The following ARHGAP44 variants were observed in gnomAD, a reference collection of about 807,000 sequenced individuals.
ARHGAP44 encodes the protein rho GTPase-activating protein 44.
Under a neutral mutation model 106.8 loss-of-function variants are expected in ARHGAP44, and 43 were observed. The ratio of observed to expected loss-of-function variants is 0.40; its 90% CI spans 0.32 to 0.52. ARHGAP44 has a LOEUF of 0.52. ARHGAP44 is among the 20% of genes least tolerant of loss of function. The probability of loss-of-function intolerance (pLI) is 0.48; values close to 1 mark genes in which losing one functional copy is unlikely to be tolerated. For missense variants in ARHGAP44, 866 were observed against 1,050.5 expected (o/e 0.82, Z 2.43); for synonymous variants, 439 against 410.3 (o/e 1.07, Z -0.85).
chr17:12,838,734 C>A (rs561263923), intron 1 of ARHGAP44, among the ~76,000 whole-genome samples: 57 of 152,160 alleles, frequency 3.7e-4, no homozygotes, highest in African/African-American at 1.3e-3. Context: ...TGCAGTGGAG[C>A]GACCTTGGCT....
chr17:12,909,834 A>T (rs1206308298), intron 4 of ARHGAP44, among the ~76,000 whole-genome samples: 2 of 152,258 alleles, frequency 1.3e-5, no homozygotes, highest in African/African-American at 2.4e-5. Flanking sequence ...TAAGGAGCAC[A>T]AAATGATTTG....
intron 10 of ARHGAP44, among the ~76,000 whole-genome samples, chr17:12,948,723 T>TACAC (rs71369353): frequency 2.1e-3 from 62 of 29,366 alleles, no homozygotes; most frequent in African/African-American, 5.5e-3. Context: ...CCAACACACA[T>TACAC]ACACACACAC....
intron 1 of ARHGAP44, among the ~76,000 whole-genome samples, chr17:12,816,102 C>T (rs1264931823): frequency 4.6e-5 from 7 of 152,036 alleles, no homozygotes; most frequent in Non-Finnish European, 8.8e-5. Flanking sequence ...TGGAACAGTA[C>T]CTTAGTTGCA....
intron 1 of ARHGAP44, among the ~76,000 whole-genome samples, chr17:12,858,268 C>T (rs1407583544): frequency 6.6e-6 from 1 of 152,156 alleles, no homozygotes; most frequent in Admixed American, 6.5e-5. Flanking sequence ...CCTTTCTTTA[C>T]CTACCCTGCC....
intron 16 of ARHGAP44, among the ~76,000 whole-genome samples, chr17:12,960,689 G>A (rs993784022): frequency 2.0e-5 from 3 of 152,034 alleles, no homozygotes; most frequent in African/African-American, 7.2e-5. Flanking sequence ...TCAGCCTCCC[G>A]AGTAGCTGGG....
intron 1 of ARHGAP44, among the ~76,000 whole-genome samples, chr17:12,865,203 A>G (rs1230120665): frequency 2.0e-5 from 3 of 152,210 alleles, no homozygotes; most frequent in African/African-American, 7.2e-5. Flanking sequence ...GAAGAATCAG[A>G]CTAGTGCCAG....
intron 7 of ARHGAP44, among the ~76,000 whole-genome samples, chr17:12,930,018 T>G (rs991768145): frequency 2.6e-5 from 4 of 152,322 alleles, no homozygotes; most frequent in Admixed American, 2.0e-4. Context: ...GAAAGATTTT[T>G]AAAGAATTCA....
At chr17:12,924,768 G>A (rs578050080) in intron 6 of ARHGAP44, among the ~76,000 whole-genome samples, 146 of 152,298 alleles carry the variant, frequency 9.6e-4, no homozygotes, top group Non-Finnish European at 1.7e-3. Flanking sequence ...TGTGAGGACA[G>A]AAACAGCAGC....
chr17:12,832,760 G>A (rs1192005790), intron 1 of ARHGAP44, among the ~76,000 whole-genome samples: 1 of 152,186 alleles, frequency 6.6e-6, no homozygotes, highest in South Asian at 2.1e-4. Flanking sequence ...TGCAAAGTCA[G>A]TTTCAAAAGG....
chr17:12,875,121 C>A (rs2036515997), intron 1 of ARHGAP44, among the ~76,000 whole-genome samples: 1 of 152,148 alleles, frequency 6.6e-6, no homozygotes, highest in Non-Finnish European at 1.5e-5. Context: ...TTGGTTAAAA[C>A]ACAGATTGCT....
rs1213325834 is a variant in ARHGAP44, at chr17:12,931,841, T to TACACACAAACACACAC, written c.582+2802_582+2803insAACACACACACACACA. Among the ~76,000 whole-genome samples, 273 of 146,408 alleles carry TACACACAAACACACAC rather than the reference T, an allele frequency of 1.9e-3. 7 individuals carry two copies. In the East Asian group the frequency reaches 0.041, roughly 22 times the overall value. On this transcript the variant is annotated intron_variant, in intron 7 of 20. Coordinates refer to ENST00000379672, the MANE Select transcript of ARHGAP44 (RefSeq NM_014859.6). ...ATTGCATGATATTCCACAGTAGGGA[T>TACACACAAACACACAC]ACACACACACACACACACACACACA...
At chr17:12,974,031 GCCTGTCT>G (rs1263471399) in intron 17 of ARHGAP44, 51 bp from the exon 18 acceptor site, 15 of 1,503,772 alleles carry the variant, frequency 1.0e-5, no homozygotes, top group Non-Finnish European at 1.4e-5. Flanking sequence ...GGGGGAGGGA[GCCTGTCT>G]CCTGTCATCT....
chr17:12,987,076 G>A (rs2039978871), intron 20 of ARHGAP44: 14 of 1,474,852 alleles, frequency 9.5e-6, no homozygotes, highest in East Asian at 2.6e-5. Context: ...TCCTTTCTCC[G>A]AATCCTATCA....
At chr17:12,978,321 G>C (rs1187508070) in intron 18 of ARHGAP44, among the ~76,000 whole-genome samples, 1 of 152,204 alleles carries the variant, frequency 6.6e-6, no homozygotes, top group African/African-American at 2.4e-5. Flanking sequence ...AGTGAGGCAA[G>C]GGTTTTCTGT....
At chr17:12,906,361 C>T (rs575696481) in intron 3 of ARHGAP44, among the ~76,000 whole-genome samples, 2 of 152,214 alleles carry the variant, frequency 1.3e-5, no homozygotes, top group East Asian at 1.9e-4. Context: ...TGTCAGATCC[C>T]GCAGGTTAAG....
At chr17:12,971,055 A>G (rs2039516529) in intron 16 of ARHGAP44, among the ~76,000 whole-genome samples, 1 of 152,212 alleles carries the variant, frequency 6.6e-6, no homozygotes, top group Non-Finnish European at 1.5e-5. Context: ...GGAACATGTG[A>G]TGCTCCCTCT....
At chr17:12,926,831 T>TAAG in intron 6 of ARHGAP44, among the ~76,000 whole-genome samples, 1 of 152,106 alleles carries the variant, frequency 6.6e-6, no homozygotes, top group South Asian at 2.1e-4. Flanking sequence ...TGGTTAGTTA[T>TAAG]TTTTTCTTCA....
chr17:12,842,381 C>A lies in ARHGAP44; in HGVS notation c.53+52490C>A, dbSNP rs1358555942. Among the ~76,000 whole-genome samples, 13 of 140,254 alleles carry A rather than the reference C, an allele frequency of 9.3e-5. No homozygotes were observed. In the East Asian group the frequency reaches 2.7e-3, roughly 29 times the overall value. 92.0% of individuals were successfully genotyped at this position (140,254 alleles called of 152,430 possible). A position where few individuals can be genotyped will look rare whatever the true frequency, so the allele number is the denominator to read the frequency against. ...GTGGTGAGCCATGATCATGCCACTG[C>A]ACTCCAGCCTGGGTGACAGAGCGAG... On this transcript the variant is annotated intron_variant, in intron 1 of 20. Coordinates refer to ENST00000379672, the MANE Select transcript of ARHGAP44 (RefSeq NM_014859.6).
chr17:12,968,970 A>C (rs1341244142), intron 16 of ARHGAP44, among the ~76,000 whole-genome samples: 4 of 151,816 alleles, frequency 2.6e-5, no homozygotes, highest in African/African-American at 9.7e-5. Flanking sequence ...GGGGTTTCAC[A>C]GTGTTAGCCA....
Sources: gnomAD v4.1 joint callset for allele counts (sites outside exome capture counted in the v4.1 genomes callset) on GRCh38, gnomAD v4.1.1 for gene constraint, MANE v1.5 for transcripts, NCBI Gene and HGNC (gene_info 2026-07-23, HGNC 2026-07-21) for gene names.